Variants in KIAA0513 observed in about 807,000 individuals in gnomAD.
KIAA0513 encodes the protein uncharacterized protein KIAA0513.
Under a neutral mutation model 56.5 loss-of-function variants are expected in KIAA0513, and 39 were observed. The observed-to-expected ratio is 0.69, with a 90% CI of 0.53 to 0.90. The LOEUF (loss-of-function observed/expected upper bound fraction) is 0.90. Among genes scored for constraint, KIAA0513 ranks in the 40% least tolerant of loss-of-function variants. The pLI, the probability that KIAA0513 is intolerant of heterozygous loss-of-function variation, is 0.00. For missense variants in KIAA0513, 591 were observed against 535.2 expected, an observed-to-expected ratio of 1.10 and a Z score of -1.03; for synonymous variants, 268 against 215.6, an observed-to-expected ratio of 1.24 and a Z score of -2.13.
At chr16:85,074,469 C>T (rs1397123122) in intron 4 of KIAA0513, among the ~76,000 whole-genome samples, 2 of 152,160 alleles carry the variant, frequency 1.3e-5, no homozygotes, top group Non-Finnish European at 2.9e-5. Flanking sequence ...AGGCGTGAAA[C>T]ACCACACCCA....
At chr16:85,058,233 G>C (rs2073356498) in intron 1 of KIAA0513, among the ~76,000 whole-genome samples, 1 of 152,244 alleles carries the variant, frequency 6.6e-6, no homozygotes, top group African/African-American at 2.4e-5. Flanking sequence ...TCACGGGCAT[G>C]TTCACTGTCA....
intron 1 of KIAA0513, among the ~76,000 whole-genome samples, chr16:85,037,733 T>A (rs1339856591): frequency 6.6e-6 from 1 of 152,182 alleles, no homozygotes; most frequent in Admixed American, 6.5e-5. Flanking sequence ...ATGAGTCTGC[T>A]CTTGTGGAAG....
chr16:85,051,212 G>A (rs1439558009), intron 1 of KIAA0513, among the ~76,000 whole-genome samples: 2 of 152,130 alleles, frequency 1.3e-5, no homozygotes, highest in Non-Finnish European at 1.5e-5. Context: ...TCGTCTTCGT[G>A]GAGAACTTAA....
chr16:85,082,613 T>C lies in KIAA0513; in HGVS notation c.1010+20T>C. The C allele has an allele frequency of 6.2e-7, 1 of 1,613,848 alleles. No homozygotes were observed. ...GAAGAGGTGTGTGTGTCCACGTGAC[T>C]TTGTTCCATTTTACAGTGCGGGCTC... is the stretch of plus-strand genomic sequence containing the variant. On this transcript the variant is annotated intron_variant, in intron 10 of 12. Coordinates refer to ENST00000683363, the MANE Select transcript of KIAA0513 (RefSeq NM_001388359.1).
At position 85,052,506 on chromosome 16, in the gene KIAA0513, C is replaced by A. The variant is rs1380681293; in HGVS notation, c.-172-14394C>A. On this transcript the variant is annotated intron_variant, in intron 1 of 12. Coordinates refer to ENST00000683363, the MANE Select transcript of KIAA0513 (RefSeq NM_001388359.1). ...TCCAGCCTGGGCAACAAGAGCAAAA[C>A]CCTGTCTCAAATCAATCAGTCAATC... Among the ~76,000 whole-genome samples the A allele has an allele frequency of 2.0e-5, 3 of 152,174 alleles. No individual in the cohort carries two copies. The East Asian group carries it at 5.8e-4, about 29-fold the overall frequency.
intron 4 of KIAA0513, among the ~76,000 whole-genome samples, chr16:85,073,647 T>G (rs1028366730): frequency 1.3e-5 from 2 of 152,150 alleles, no homozygotes; most frequent in Admixed American, 1.3e-4. Flanking sequence ...AGGTGTGAAA[T>G]GGAGGGGATG....
chr16:85,037,235 A>G (rs1028848931), intron 1 of KIAA0513, among the ~76,000 whole-genome samples: 4 of 152,046 alleles, frequency 2.6e-5, no homozygotes, highest in Non-Finnish European at 4.4e-5. Context: ...TCACAAGCAG[A>G]TGACTCAGTG....
At position 85,076,442 on chromosome 16, in the gene KIAA0513, A is replaced by C. The variant is rs2073656824; in HGVS notation, c.574+528A>C. ...CCTCATTGCGTTGGCACTTTCTCGT[A>C]TGTTGGAGCTCAAGGGCTTCCTGCG... On this transcript the variant is annotated intron_variant, in intron 5 of 12. Transcript: ENST00000683363. This position sits in a 1 kb window ranked among gnomAD's most constrained non-coding sequence, Gnocchi z 4.7. 6.6e-6 allele frequency among the ~76,000 whole-genome samples: 1 copy of C among 152,104 alleles called. No individual in the cohort carries two copies. Among genetic ancestry groups the C allele is most frequent in the Non-Finnish European group, 1.5e-5 (1 of 68,004 alleles).
chr16:85,035,758 C>T (rs1404286615), intron 1 of KIAA0513, among the ~76,000 whole-genome samples: 2 of 152,082 alleles, frequency 1.3e-5, no homozygotes, highest in Non-Finnish European at 2.9e-5. Flanking sequence ...GCGGGCGGAT[C>T]ATGAGGTCAG....
At chr16:85,046,272 T>C (rs775914792) in intron 1 of KIAA0513, among the ~76,000 whole-genome samples, 1 of 152,234 alleles carries the variant, frequency 6.6e-6, no homozygotes, top group Non-Finnish European at 1.5e-5. Context: ...TTTCTTACCC[T>C]GTACAGTTTA....
chr16:85,082,670 C>T (rs2144092330), intron 10 of KIAA0513, 77 bp downstream of exon 10: 1 of 1,468,686 alleles, frequency 6.8e-7, no homozygotes, highest in Non-Finnish European at 9.5e-7. Context: ...GGGGGCTGTG[C>T]ACTGTGCTGA....
At chr16:85,050,220 T>C (rs1398860612) in intron 1 of KIAA0513, among the ~76,000 whole-genome samples, 4 of 152,142 alleles carry the variant, frequency 2.6e-5, no homozygotes, top group Admixed American at 2.6e-4. Context: ...AAGGGCAAAG[T>C]GTAAATCCAG....
rs1183492445 is a variant in KIAA0513, at chr16:85,093,948, T to G, written c.*5623T>G. Reference sequence around the variant, plus strand: ...TCCCATGCACACGCCCTCTGCTTTCTCTTTCCTAGACTCGCGGTGCTCACA... The same window carrying G: ...TCCCATGCACACGCCCTCTGCTTTCGCTTTCCTAGACTCGCGGTGCTCACA... On this transcript the variant is annotated 3_prime_UTR_variant, in exon 13 of 13. Transcript: ENST00000683363. The G allele has an allele frequency of 6.6e-6, 1 of 152,242 alleles. No individual in the cohort carries two copies. The highest frequency in any genetic ancestry group is 1.5e-5 in the Non-Finnish European group (1 of 68,050). The allele number at this position is 152,242 out of a possible 1,614,324, so 9.4% of individuals were successfully genotyped here.
chr16:85,033,477 A>G (rs1168180247), intron 1 of KIAA0513, among the ~76,000 whole-genome samples: 3 of 152,234 alleles, frequency 2.0e-5, no homozygotes, highest in Non-Finnish European at 4.4e-5. Flanking sequence ...GCGCGGGTGA[A>G]TACGATGCCC....
chr16:85,082,997 C>A (rs2073765184), intron 10 of KIAA0513, among the ~76,000 whole-genome samples: 1 of 152,260 alleles, frequency 6.6e-6, no homozygotes, highest in Non-Finnish European at 1.5e-5. Context: ...TCACCCTTGG[C>A]CTTACTGTTC....
At chr16:85,036,147 CTTCT>C (rs2073033562) in intron 1 of KIAA0513, among the ~76,000 whole-genome samples, 1 of 152,120 alleles carries the variant, frequency 6.6e-6, no homozygotes, top group South Asian at 2.1e-4. Flanking sequence ...TTCTTTCCTC[CTTCT>C]TTGTTTGTTT....
intron 2 of KIAA0513, among the ~76,000 whole-genome samples, chr16:85,070,483 G>T (rs1334643529): frequency 6.6e-6 from 1 of 152,182 alleles, no homozygotes; most frequent in African/African-American, 2.4e-5. Flanking sequence ...TTTGAGACCA[G>T]CCTGGCCAAC....
intron 1 of KIAA0513, among the ~76,000 whole-genome samples, chr16:85,056,078 A>G (rs11647376): frequency 0.4 from 61,544 of 152,178 alleles, 13,987 homozygotes; most frequent in African/African-American, 0.62. Flanking sequence ...GACCCCCCTG[A>G]AAGCCACAGC....
chr16:85,067,381 G>A lies in KIAA0513; in HGVS notation c.310G>A (p.Glu104Lys). The A allele has an allele frequency of 6.2e-7, 1 of 1,603,486 alleles. No individual in the cohort carries two copies. ...CAGGGACTTCATGCGTGGCTACGTG[G>A]AGAAGATCTTCTCTGGAGGGTAAGG... is the stretch of plus-strand genomic sequence containing the variant. ...ALRDFMRGYV[E>K]KIFSGGEDLD... is the part of the protein sequence containing the mutation. The change falls in exon 2 of 13, where the codon GAG becomes AAG. Residue 104 changes from glutamate (E) to lysine (K), a missense_variant. Coordinates refer to ENST00000683363, the MANE Select transcript of KIAA0513 (RefSeq NM_001388359.1).
Sources: gnomAD v4.1 joint callset for allele counts (sites outside exome capture counted in the v4.1 genomes callset) on GRCh38, gnomAD v4.1.1 for gene constraint, Gnocchi (gnomAD v3.1) non-coding constraint, MANE v1.5 for transcripts, NCBI Gene and HGNC (gene_info 2026-07-23, HGNC 2026-07-21) for gene names.